The following GPBP1L1 variants were observed in gnomAD, a reference collection of about 807,000 sequenced individuals.
GPBP1L1 encodes the protein GC-rich promoter binding protein 1 like 1.
GPBP1L1 carries 23 observed loss-of-function variants against 52.5 expected under a neutral mutation model. That is an observed-to-expected ratio of 0.44 (90% CI 0.32 to 0.62). The LOEUF is 0.62. Among genes scored for constraint, GPBP1L1 ranks in the 20% least tolerant of loss-of-function variants. GPBP1L1 has a pLI of 0.06. For missense variants in GPBP1L1, 596 were observed against 579.3 expected (o/e 1.03, Z -0.30); for synonymous variants, 243 against 203.1 (o/e 1.20, Z -1.67).
chr1:45,658,848 A>G (rs1644913462), intron 4 of GPBP1L1, 180 bp downstream of exon 4: 2 of 572,214 alleles, frequency 3.5e-6, no homozygotes, highest in Non-Finnish European at 6.2e-6. Flanking sequence ...GAGCTGAGTC[A>G]GGAGGACTGC....
At chr1:45,683,389 T>C (rs1353794218) in intron 2 of GPBP1L1, among the ~76,000 whole-genome samples, 2 of 150,932 alleles carry the variant, frequency 1.3e-5, no homozygotes, top group African/African-American at 4.9e-5. Flanking sequence ...GTATTTTTAG[T>C]AGAGACGGGG....
chr1:45,629,228 C>A (rs1405680485), intron 12 of GPBP1L1, among the ~76,000 whole-genome samples: 1 of 152,216 alleles, frequency 6.6e-6, no homozygotes, highest in Non-Finnish European at 1.5e-5. Flanking sequence ...CAGTGCAGAT[C>A]AGGAAGCAGA....
rs768870611 is a variant in GPBP1L1 at position 45,628,097 on chromosome 1, A to C, written c.*159T>G. The C allele has an allele frequency of 5.4e-6, 4 of 743,990 alleles. No individual in the cohort carries two copies. The highest frequency in any genetic ancestry group is 1.7e-5 in the African/African-American group (1 of 57,396). The allele number at this position is 743,990 out of a possible 1,614,324, so 46.1% of individuals were successfully genotyped here. A position where few individuals can be genotyped will look rare whatever the true frequency, so the allele number is the denominator to read the frequency against. ...AGATAACAGGGAAGAACAATAACAA[A>C]AGCAAAACAAGCCAATTGCTCTCTC... On this transcript the variant is annotated 3_prime_UTR_variant, in exon 13 of 13. Coordinates refer to ENST00000355105, the MANE Select transcript of GPBP1L1 (RefSeq NM_021639.5).
chr1:45,652,416 T>C (rs1233047512), intron 6 of GPBP1L1, among the ~76,000 whole-genome samples: 1 of 152,222 alleles, frequency 6.6e-6, no homozygotes, highest in Non-Finnish European at 1.5e-5. Flanking sequence ...AATCAAACTA[T>C]GCTAATCAGT....
intron 9 of GPBP1L1, chr1:45,633,894 T>C (rs1255259798): frequency 1.5e-6 from 1 of 668,052 alleles, no homozygotes; most frequent in Non-Finnish European, 2.5e-6. Flanking sequence ...TAACATAGGA[T>C]GACCTTGGTC....
intron 6 of GPBP1L1, chr1:45,651,656 G>A: frequency 3.0e-6 from 2 of 676,666 alleles, no homozygotes; most frequent in Non-Finnish European, 5.4e-6. Context: ...GATATAGCAG[G>A]GCCATTTCAC....
chr1:45,641,439 T>C (rs1226885277), intron 7 of GPBP1L1, among the ~76,000 whole-genome samples: 1 of 150,862 alleles, frequency 6.6e-6, no homozygotes, highest in Admixed American at 6.6e-5. Flanking sequence ...CACAAACATA[T>C]ATATACACAC....
Position 45,640,315 on chromosome 1 carries a change from T to C in GPBP1L1, c.639A>G (p.Ala213=), listed in dbSNP as rs761944510. The C allele has an allele frequency of 3.1e-6, 5 of 1,614,010 alleles. No homozygotes were observed. The highest frequency in any genetic ancestry group is 3.3e-5 in the Admixed American group (2 of 59,998). ...CATGGTGAGATCCTGGTGAGGTGAA[T>C]GCAGCAGAGAAGGCAGCAGCAGGAT... ...KEDPAAAFSA[A]FTSPGSHHAN... is the part of the protein sequence containing the mutation. The change falls in exon 8 of 13, where the codon GCA becomes GCG. Residue 213 remains alanine, a synonymous_variant. Coordinates refer to ENST00000355105, the MANE Select transcript of GPBP1L1 (RefSeq NM_021639.5).
chr1:45,641,461 A>AACACAC lies in GPBP1L1; in HGVS notation c.550+960_550+965dup, dbSNP rs143580004. ...ATATATATACACACACATACACATA[A>AACACAC]ACACACACACACACACACACACACA... On this transcript the variant is annotated intron_variant, in intron 7 of 12. Transcript: ENST00000355105. Among the ~76,000 whole-genome samples the AACACAC allele has an allele frequency of 8.9e-4, 131 of 146,846 alleles. 1 individual carries two copies. The highest frequency in any genetic ancestry group is 1.3e-3 in the African/African-American group (53 of 40,154).
chr1:45,641,098 G>A (rs1644665828), intron 7 of GPBP1L1, among the ~76,000 whole-genome samples: 1 of 152,156 alleles, frequency 6.6e-6, no homozygotes, highest in African/African-American at 2.4e-5. Flanking sequence ...GGTAATCAGG[G>A]ATTGGAGTCT....
At chr1:45,639,832 C>A (rs781555092) in intron 8 of GPBP1L1, among the ~76,000 whole-genome samples, 1 of 151,860 alleles carries the variant, frequency 6.6e-6, no homozygotes, top group Non-Finnish European at 1.5e-5. Context: ...GAGCTGAGAT[C>A]GTGCCACTGC....
chr1:45,668,722 T>C (rs948119567), intron 2 of GPBP1L1, among the ~76,000 whole-genome samples: 3 of 152,178 alleles, frequency 2.0e-5, no homozygotes, highest in African/African-American at 7.2e-5. Context: ...GCTGAACAAA[T>C]GTTCTTGAGG....
intron 2 of GPBP1L1, among the ~76,000 whole-genome samples, chr1:45,668,744 C>G (rs898675027): frequency 3.9e-5 from 6 of 152,116 alleles, no homozygotes; most frequent in African/African-American, 1.4e-4. Context: ...TGTTAATGGC[C>G]GATGTAATGC....
chr1:45,637,546 T>TTTTTTTTTTTTTTTTTTTTTTTTG (rs1644611866), intron 8 of GPBP1L1, among the ~76,000 whole-genome samples: 1 of 152,182 alleles, frequency 6.6e-6, no homozygotes, highest in African/African-American at 2.4e-5. Context: ...TATATTAGTT[T>TTTTTTTTTTTTTTTTTTTTTTTTG]TCCAATCTTC....
chr1:45,638,476 C>A (rs1280115454), intron 8 of GPBP1L1, among the ~76,000 whole-genome samples: 2 of 152,326 alleles, frequency 1.3e-5, no homozygotes, highest in East Asian at 1.9e-4. Context: ...TGCAAACTCA[C>A]CCACTTGTAT....
chr1:45,639,658 C>T (rs1220046124), intron 8 of GPBP1L1, among the ~76,000 whole-genome samples: 3 of 151,436 alleles, frequency 2.0e-5, no homozygotes, highest in Admixed American at 6.6e-5. Context: ...GGGCGGATCA[C>T]GAGGTCAGGA....
chr1:45,632,205 C>G (rs1048885034), intron 10 of GPBP1L1, among the ~76,000 whole-genome samples: 2 of 152,206 alleles, frequency 1.3e-5, no homozygotes, highest in African/African-American at 4.8e-5. Context: ...GCCTCTTGTT[C>G]TGCACTGTAG....
At chr1:45,677,676 G>C (rs1043544401) in intron 2 of GPBP1L1, among the ~76,000 whole-genome samples, 1 of 152,164 alleles carries the variant, frequency 6.6e-6, no homozygotes, top group Non-Finnish European at 1.5e-5. Context: ...TGGGATTTCT[G>C]TACCCATAAG....
chr1:45,668,835 T>C (rs1282536739), intron 2 of GPBP1L1, among the ~76,000 whole-genome samples: 1 of 137,084 alleles, frequency 7.3e-6, no homozygotes, highest in African/African-American at 2.7e-5. Flanking sequence ...TAGCCAGGCA[T>C]GGTGGTGGGC....
Sources: gnomAD v4.1 joint callset for allele counts (sites outside exome capture counted in the v4.1 genomes callset) on GRCh38, gnomAD v4.1.1 for gene constraint, MANE v1.5 for transcripts, NCBI Gene and HGNC (gene_info 2026-07-23, HGNC 2026-07-21) for gene names.